The following NRXN3 variants were observed in gnomAD, a reference collection of about 807,000 sequenced individuals.
The protein encoded by NRXN3 is neurexin III.
Under a neutral mutation model 137.6 loss-of-function variants are expected in NRXN3, and 32 were observed. That is an observed-to-expected ratio of 0.23 (90% confidence interval 0.18 to 0.31). The LOEUF is 0.31. NRXN3 is among the 10% of genes least tolerant of loss of function. NRXN3 has a pLI of 1.00. For synonymous variants in NRXN3, 798 were observed against 784.5 expected (o/e 1.02, Z -0.29); for missense variants, 1,574 against 2,062.5 (o/e 0.76, Z 4.59).
In NRXN3 at chr14:79,560,811, G is replaced by C. The variant is rs540812205; in HGVS notation, c.3444+93409G>C. ...CTGCCTTGCCCTCCCAAAGTGCTGG[G>C]ATTACAGGCATAAGCCATCACACCT... is the stretch of plus-strand genomic sequence containing the variant. On this transcript the variant is annotated intron_variant, in intron 16 of 20. Transcript: ENST00000335750. Among the ~76,000 whole-genome samples, 5 of 152,146 alleles carry C rather than the reference G, an allele frequency of 3.3e-5. No individual in the cohort carries two copies. In the East Asian group the frequency reaches 9.7e-4, roughly 30 times the overall value.
intron 19 of NRXN3, among the ~76,000 whole-genome samples, chr14:79,751,504 A>G (rs2098997448): frequency 6.6e-6 from 1 of 150,904 alleles, no homozygotes; most frequent in African/African-American, 2.4e-5. Flanking sequence ...ATATACAATC[A>G]TGTCATCTGC....
rs550641851 is a variant in NRXN3 at position 79,385,305 on chromosome 14, T to C, written c.3263-81916T>C. 4.8e-5 allele frequency among the ~76,000 whole-genome samples: 7 copies of C among 146,732 alleles called. No homozygotes were observed. In the South Asian group the frequency reaches 8.9e-4, roughly 19 times the overall value. On this transcript the variant is annotated intron_variant, in intron 15 of 20. Coordinates refer to ENST00000335750, the MANE Select transcript of NRXN3 (RefSeq NM_001330195.2). ...ATTCCCACCTATGAGTGAGAATATG[T>C]GGTGTTTGGTTTTTTGTTCTTGCGA...
intron 15 of NRXN3, among the ~76,000 whole-genome samples, chr14:79,227,972 G>T (rs2071381950): frequency 6.6e-6 from 1 of 152,042 alleles, no homozygotes; most frequent in African/African-American, 2.4e-5. Flanking sequence ...GCAATAGAAA[G>T]GATATTTTTC....
intron 4 of NRXN3, among the ~76,000 whole-genome samples, chr14:78,326,680 A>G (rs973031068): frequency 6.6e-6 from 1 of 152,206 alleles, no homozygotes; most frequent in Non-Finnish European, 1.5e-5. Flanking sequence ...TCACAGAGCA[A>G]TGGAGGTTGA....
intron 4 of NRXN3, among the ~76,000 whole-genome samples, chr14:78,532,150 C>CAAAAA (rs386381910): frequency 0.16 from 19,475 of 120,712 alleles, 1,629 homozygotes; most frequent in Middle Eastern, 0.26. Flanking sequence ...ACTAAAAATA[C>CAAAAA]AAAAAAAAAA....
intron 4 of NRXN3, among the ~76,000 whole-genome samples, chr14:78,457,837 T>C (rs899860647): frequency 1.3e-5 from 2 of 152,330 alleles, no homozygotes; most frequent in Admixed American, 6.5e-5. Flanking sequence ...TGATTACTTA[T>C]GGCAAATACA....
chr14:78,465,007 CT>C (rs2095055596), intron 4 of NRXN3, among the ~76,000 whole-genome samples: 3 of 151,942 alleles, frequency 2.0e-5, no homozygotes, highest in Non-Finnish European at 4.4e-5. Flanking sequence ...GATAGAATGC[CT>C]ACTATTCATT....
intron 4 of NRXN3, among the ~76,000 whole-genome samples, chr14:78,631,893 G>A (rs1346011794): frequency 6.6e-6 from 1 of 151,950 alleles, no homozygotes; most frequent in African/African-American, 2.4e-5. Context: ...GGAGGATCAG[G>A]TCAGGAGATC....
intron 3 of NRXN3, among the ~76,000 whole-genome samples, chr14:78,279,886 G>C (rs540606085): frequency 6.6e-5 from 10 of 152,104 alleles, no homozygotes; most frequent in African/African-American, 1.7e-4. Flanking sequence ...ACTTAAGTAG[G>C]GTTCTTCTGA....
In NRXN3 at chr14:79,266,355, T is replaced by TTATA. The variant is rs150666453; in HGVS notation, c.3263-200855_3263-200852dup. Among the ~76,000 whole-genome samples, 534 of 151,202 alleles carry TTATA rather than the reference T, an allele frequency of 3.5e-3. 3 individuals are homozygous for TTATA. The highest frequency in any genetic ancestry group is 0.012 in the African/African-American group (500 of 41,254). ...TTCTGATTTTCTCCAGCTATAAAGGTTATATATATATATAACCTTTAGAGC... is the reference window on the plus strand; with the variant it reads ...TTCTGATTTTCTCCAGCTATAAAGGTTATATATATATATATATAACCTTTAGAGC... On this transcript the variant is annotated intron_variant, in intron 15 of 20. Coordinates refer to ENST00000335750, the MANE Select transcript of NRXN3 (RefSeq NM_001330195.2).
chr14:79,343,458 G>A (rs72688975), intron 15 of NRXN3, among the ~76,000 whole-genome samples: 17,707 of 152,110 alleles, frequency 0.12, 1,114 homozygotes, highest in Non-Finnish European at 0.13. Flanking sequence ...TTGGAAAGGC[G>A]GTTTTATAAC....
At chr14:79,700,515 C>G (rs1031926476) in intron 19 of NRXN3, among the ~76,000 whole-genome samples, 2 of 152,016 alleles carry the variant, frequency 1.3e-5, no homozygotes, top group Non-Finnish European at 2.9e-5. Flanking sequence ...AGAAAATAAG[C>G]ATGTCAGTCC....
At chr14:79,116,300 G>T (rs1173553977) in intron 15 of NRXN3, among the ~76,000 whole-genome samples, 3 of 151,088 alleles carry the variant, frequency 2.0e-5, no homozygotes, top group East Asian at 3.9e-4. Flanking sequence ...GGAGACACAG[G>T]GGAGAGATTT....
chr14:79,208,241 T>C (rs921993584), intron 15 of NRXN3, among the ~76,000 whole-genome samples: 1 of 152,314 alleles, frequency 6.6e-6, no homozygotes, highest in African/African-American at 2.4e-5. Flanking sequence ...TTCTTTCTTC[T>C]GATGATAAAT....
intron 15 of NRXN3, among the ~76,000 whole-genome samples, chr14:79,393,751 C>T (rs1267224815): frequency 5.3e-5 from 8 of 152,068 alleles, no homozygotes; most frequent in South Asian, 4.1e-4. Flanking sequence ...GGAGGCAGAG[C>T]TTGCAGTGAG....
chr14:78,837,834 G>T (rs1361951992), intron 10 of NRXN3, among the ~76,000 whole-genome samples: 1 of 152,090 alleles, frequency 6.6e-6, no homozygotes, highest in East Asian at 1.9e-4. Context: ...AAACATATTG[G>T]TGTAGATGCA....
chr14:79,276,544 G>T (rs1205376630), intron 15 of NRXN3, among the ~76,000 whole-genome samples: 2 of 152,116 alleles, frequency 1.3e-5, no homozygotes, highest in Non-Finnish European at 2.9e-5. Flanking sequence ...CAAGTGAAAT[G>T]AATAGTTCCA....
chr14:78,972,594 C>T (rs2099446464), intron 14 of NRXN3, among the ~76,000 whole-genome samples: 1 of 152,118 alleles, frequency 6.6e-6, no homozygotes, highest in Non-Finnish European at 1.5e-5. Flanking sequence ...CTCTTGTTGC[C>T]CTTGTTGCCC....
intron 15 of NRXN3, among the ~76,000 whole-genome samples, chr14:79,358,635 A>G (rs1457101551): frequency 6.6e-6 from 1 of 150,518 alleles, no homozygotes; most frequent in Admixed American, 6.6e-5. Context: ...GAAAGAAAGA[A>G]AGAAAGAAAG....
Sources: allele counts gnomAD v4.1 joint callset (sites outside exome capture counted in the v4.1 genomes callset), GRCh38; gene constraint gnomAD v4.1.1; transcripts MANE v1.5; gene names NCBI Gene and HGNC (gene_info 2026-07-23, HGNC 2026-07-21).